Variants in GOLGA3 observed in about 807,000 individuals in gnomAD.
GOLGA3 encodes the protein golgin subfamily A member 3.
Under a neutral mutation model 169.4 loss-of-function variants are expected in GOLGA3, and 75 were observed. The observed-to-expected ratio is 0.44, with a 90% CI of 0.37 to 0.54. GOLGA3 has a LOEUF of 0.54. GOLGA3 is among the 20% of genes least tolerant of loss of function. The pLI, the probability that GOLGA3 is intolerant of heterozygous loss-of-function variation, is 0.00. For missense variants in GOLGA3, 1,899 were observed against 1,930.0 expected, an observed-to-expected ratio of 0.98 and a Z score of 0.30; for synonymous variants, 824 against 822.4, an observed-to-expected ratio of 1.00 and a Z score of -0.03.
chr12:132,812,419 T>C (rs768518650), intron 4 of GOLGA3, among the ~76,000 whole-genome samples: 3 of 152,142 alleles, frequency 2.0e-5, no homozygotes, highest in African/African-American at 4.8e-5. Context: ...ACAACTGCCA[T>C]AGTCATAGTG....
rs760729413 is a variant in GOLGA3, at chr12:132,789,271, C to A, written c.2567G>T (p.Arg856Leu). Residue 856 changes from arginine to leucine, a missense_variant, in exon 13 of 24, where the codon CGG becomes CTG. By Grantham distance (102) the Arg-to-Leu change is moderately radical (BLOSUM62 -2). Coordinates refer to ENST00000450791, the MANE Select transcript of GOLGA3 (RefSeq NM_001389683.1). ...LQQKVMVEAY[R>L]RDATSKDQLI... ...CTGGTCTTTGGAGGTGGCGTCGCGC[C>A]GGTAGGCCTCCACCATCACCTGCCA... 1 of 1,598,288 alleles carries A rather than the reference C, an allele frequency of 6.3e-7. No homozygotes were observed. The highest frequency in any genetic ancestry group is 2.2e-5 in the East Asian group (1 of 44,772).
Position 132,769,283 on chromosome 12 carries a change from G to T in GOLGA3, c.*3822C>A, listed in dbSNP as rs754350209. On this transcript the variant is annotated 3_prime_UTR_variant, in exon 24 of 24. Coordinates refer to ENST00000450791, the MANE Select transcript of GOLGA3 (RefSeq NM_001389683.1). ...GCTCCTCGAAGGGAGGCCCCAGGAC[G>T]GTTCTCTCAGATTTGCTGGTCCCTC... is the stretch of plus-strand genomic sequence containing the variant. The T allele has an allele frequency of 6.6e-6, 1 of 152,240 alleles. No homozygotes were observed. The highest frequency in any genetic ancestry group is 2.4e-5 in the African/African-American group (1 of 41,448). 9.4% of individuals were successfully genotyped at this position (152,240 alleles called of 1,614,324 possible). A position where few individuals can be genotyped will look rare whatever the true frequency, so the allele number is the denominator to read the frequency against.
chr12:132,794,826 T>C (rs1948749760), intron 11 of GOLGA3, among the ~76,000 whole-genome samples: 1 of 152,224 alleles, frequency 6.6e-6, no homozygotes, highest in South Asian at 2.1e-4. Context: ...TCAGTGTTTG[T>C]AGTGACAGCT....
At chr12:132,794,897 T>C (rs1447697156) in intron 11 of GOLGA3, among the ~76,000 whole-genome samples, 5 of 151,844 alleles carry the variant, frequency 3.3e-5, no homozygotes, top group Non-Finnish European at 5.9e-5. Context: ...CCTTATAGAG[T>C]GGGATTTAAA....
rs773761311 is a variant in GOLGA3 at position 132,774,262 on chromosome 12, G to A, written c.4202C>T (p.Pro1401Leu). The A allele has an allele frequency of 6.2e-6, 10 of 1,612,806 alleles. No individual in the cohort carries two copies. The highest frequency in any genetic ancestry group is 3.3e-5 in the Admixed American group (2 of 60,032). Residue 1401 changes from proline (P) to leucine (L), a missense_variant, in exon 23 of 24, where the codon CCG becomes CTG. Coordinates refer to ENST00000450791, the MANE Select transcript of GOLGA3 (RefSeq NM_001389683.1). ...SSNPATPIKI[P>L]DCPVPASLLE... ...CAGCGAGGCGGGAACTGGGCAGTCCGGGATCTTGATGGGCGTGGCAGGGTT... is the reference window on the plus strand; with the variant it reads ...CAGCGAGGCGGGAACTGGGCAGTCCAGGATCTTGATGGGCGTGGCAGGGTT...
chr12:132,829,071 C>G (rs1385789407), upstream of GOLGA3, among the ~76,000 whole-genome samples: 2 of 152,256 alleles, frequency 1.3e-5, no homozygotes, highest in African/African-American at 4.8e-5. Context: ...GTTTGCGGAC[C>G]TTTCCCTAGT....
In GOLGA3 at chr12:132,818,676, C is replaced by T. The variant is rs111476854; in HGVS notation, c.134-1864G>A. Reference sequence around the variant, plus strand: ...CAATCTTTCTAGCAGGCACTGGTAACAGCAGTGTTAATCAGAGTCACAGCC... The same window carrying T: ...CAATCTTTCTAGCAGGCACTGGTAATAGCAGTGTTAATCAGAGTCACAGCC... On this transcript the variant is annotated intron_variant, in intron 2 of 23. Transcript: ENST00000450791. Among the ~76,000 whole-genome samples the T allele has an allele frequency of 5.0e-4, 76 of 152,364 alleles. 1 individual carries two copies. Among genetic ancestry groups the T allele is most frequent in the African/African-American group, 1.8e-3 (76 of 41,584 alleles).
intron 17 of GOLGA3, 144 bp downstream of exon 17, chr12:132,782,152 G>C (rs1338106353): frequency 2.6e-6 from 2 of 781,212 alleles, no homozygotes; most frequent in Non-Finnish European, 4.4e-6. Context: ...GGGTCACCCG[G>C]ACTCCTGAGC....
Position 132,822,112 on chromosome 12 carries a change from G to A in GOLGA3, c.17C>T (p.Ala6Val). The A allele has an allele frequency of 6.2e-7, 1 of 1,605,980 alleles. No homozygotes were observed. Among genetic ancestry groups the A allele is most frequent in the Non-Finnish European group, 8.5e-7 (1 of 1,176,952 alleles). The change falls in exon 2 of 24, where the codon GCC becomes GTC. Residue 6 changes from alanine to valine, a missense_variant. Coordinates refer to ENST00000450791, the MANE Select transcript of GOLGA3 (RefSeq NM_001389683.1). The part of the protein sequence containing the change: MDGAS[A>V]EQDGLQEDRS... ...GTCCTCCTGGAGGCCATCTTGCTCGGCCGACGCGCCGTCCATGGTCAGGAC... is the reference window on the plus strand; with the variant it reads ...GTCCTCCTGGAGGCCATCTTGCTCGACCGACGCGCCGTCCATGGTCAGGAC...
chr12:132,801,494 G>A (rs909386335), intron 8 of GOLGA3, among the ~76,000 whole-genome samples: 1 of 152,128 alleles, frequency 6.6e-6, no homozygotes, highest in East Asian at 1.9e-4. Context: ...GGATTCACCG[G>A]CATGTGTCAC....
In GOLGA3 at chr12:132,801,813, G is replaced by A. The variant is rs1384004262; in HGVS notation, c.1754C>T (p.Ala585Val). ...RQWYQQQLAL[A>V]QEARVRLQGE... Reference sequence around the variant, plus strand: ...CTGCAGCCTGACGCGGGCCTCCTGTGCCAGGGCGAGCTGCTGCTGGTACCA... The same window carrying A: ...CTGCAGCCTGACGCGGGCCTCCTGTACCAGGGCGAGCTGCTGCTGGTACCA... The change falls in exon 8 of 24, where the codon GCA (alanine) becomes GTA (valine). Residue 585 changes from alanine to valine, a missense_variant. Coordinates refer to ENST00000450791, the MANE Select transcript of GOLGA3 (RefSeq NM_001389683.1). 2 of 1,610,736 alleles carry A rather than the reference G, an allele frequency of 1.2e-6. No individual in the cohort carries two copies. Among genetic ancestry groups the A allele is most frequent in the South Asian group, 2.2e-5 (2 of 91,088 alleles).
Position 132,771,887 on chromosome 12 carries a change from C to T in GOLGA3, c.*1218G>A, listed in dbSNP as rs558599203. The T allele has an allele frequency of 3.9e-5, 6 of 152,748 alleles. No homozygotes were observed. The highest frequency in any genetic ancestry group is 8.8e-5 in the Non-Finnish European group (6 of 68,394). The allele number at this position is 152,748 out of a possible 1,614,324, so 9.5% of individuals were successfully genotyped here. On this transcript the variant is annotated 3_prime_UTR_variant, in exon 24 of 24. Coordinates refer to ENST00000450791, the MANE Select transcript of GOLGA3 (RefSeq NM_001389683.1). The stretch of plus-strand genomic sequence containing the variant: ...CCACCGGCCTCTCCCTGTGCCCCCC[C>T]AAAGGTCAGATCAGATATGGGGCCT...
At chr12:132,819,370 A>C (rs1456303678) in intron 2 of GOLGA3, among the ~76,000 whole-genome samples, 14 of 152,160 alleles carry the variant, frequency 9.2e-5, no homozygotes, top group Admixed American at 9.2e-4. Context: ...TCTACTAAAA[A>C]TACAAAGACT....
At chr12:132,779,436 TA>T (rs902911362) in intron 18 of GOLGA3, among the ~76,000 whole-genome samples, 5 of 152,026 alleles carry the variant, frequency 3.3e-5, no homozygotes, top group South Asian at 2.1e-4. Context: ...TTTCACCCCT[TA>T]AAAAAAATCA....
intron 3 of GOLGA3, 98 bp downstream of exon 3, chr12:132,816,442 C>A: frequency 7.8e-7 from 1 of 1,286,946 alleles, no homozygotes; most frequent in East Asian, 2.3e-5. Context: ...GGCACAGGCA[C>A]ACAACAGCTC....
chr12:132,773,568 C>T (rs984733389), intron 23 of GOLGA3, among the ~76,000 whole-genome samples: 4 of 152,332 alleles, frequency 2.6e-5, no homozygotes, highest in African/African-American at 4.8e-5. Flanking sequence ...TACCTGCCCT[C>T]GGGGCGCCGC....
At chr12:132,786,871 C>A in intron 13 of GOLGA3, 84 bp from the exon 14 acceptor site, 1 of 939,420 alleles carries the variant, frequency 1.1e-6, no homozygotes, top group Non-Finnish European at 1.7e-6. Context: ...ATCACCCCCA[C>A]CAAAGGCACT....
chr12:132,819,939 G>C (rs941274039), intron 2 of GOLGA3, among the ~76,000 whole-genome samples: 2 of 152,240 alleles, frequency 1.3e-5, no homozygotes, highest in African/African-American at 4.8e-5. Context: ...CAGCACTTTG[G>C]GAGGCCAAGG....
intron 23 of GOLGA3, 41 bp from the exon 24 acceptor site, chr12:132,773,335 G>T: frequency 1.6e-6 from 2 of 1,280,666 alleles, no homozygotes; most frequent in Non-Finnish European, 1.0e-6. Context: ...GATCACACAA[G>T]TGCCAGGCAG....
Sources: gnomAD v4.1 joint callset for allele counts (sites outside exome capture counted in the v4.1 genomes callset) on GRCh38, gnomAD v4.1.1 for gene constraint, MANE v1.5 for transcripts, NCBI Gene and HGNC (gene_info 2026-07-23, HGNC 2026-07-21) for gene names.